Variants in ZNF385B observed in about 807,000 individuals in gnomAD.
ZNF385B encodes zinc finger protein 533.
A neutral mutation model predicts 39.2 loss-of-function variants in ZNF385B; 23 were observed. The observed-to-expected ratio is 0.59, with a 90% confidence interval of 0.42 to 0.83. The LOEUF (loss-of-function observed/expected upper bound fraction) is 0.83. ZNF385B is among the 40% of genes least tolerant of loss of function. ZNF385B has a pLI of 0.00. For missense variants in ZNF385B, 552 were observed against 598.9 expected, an observed-to-expected ratio of 0.92 and a Z score of 0.82; for synonymous variants, 205 against 222.6, an observed-to-expected ratio of 0.92 and a Z score of 0.70.
intron 3 of ZNF385B, among the ~76,000 whole-genome samples, chr2:179,547,685 C>T (rs1260686919): frequency 6.7e-6 from 1 of 149,422 alleles, no homozygotes; most frequent in African/African-American, 2.5e-5. Flanking sequence ...TTTAGAATAG[C>T]TTTGGCTATT....
intron 4 of ZNF385B, among the ~76,000 whole-genome samples, chr2:179,534,050 T>C (rs1383753932): frequency 6.6e-6 from 1 of 152,198 alleles, no homozygotes; most frequent in Non-Finnish European, 1.5e-5. Flanking sequence ...CGGCAGCACC[T>C]CTGTACTGTT....
intron 5 of ZNF385B, among the ~76,000 whole-genome samples, chr2:179,490,306 TACACACACAAAC>T (rs2055071020): frequency 6.9e-6 from 1 of 144,004 alleles, no homozygotes; most frequent in South Asian, 2.2e-4. Context: ...ATATGAGCAT[TACACACACAAAC>T]ACACACACAC....
intron 3 of ZNF385B, chr2:179,745,868 G>C (rs548198220): frequency 7.6e-7 from 1 of 1,308,082 alleles, no homozygotes; most frequent in East Asian, 2.9e-5. Context: ...ACAGCACCAC[G>C]TTATATCAGT....
At chr2:179,792,326 T>C (rs1470507789) in intron 1 of ZNF385B, among the ~76,000 whole-genome samples, 1 of 151,548 alleles carries the variant, frequency 6.6e-6, no homozygotes, top group African/African-American at 2.4e-5. Flanking sequence ...ACTTTAATAA[T>C]AATTTATTCA....
At chr2:179,761,140 CAT>C (rs1703359133) in intron 3 of ZNF385B, among the ~76,000 whole-genome samples, 1 of 152,092 alleles carries the variant, frequency 6.6e-6, no homozygotes, top group Non-Finnish European at 1.5e-5. Context: ...ATTACTTTAA[CAT>C]ATAGTAAGCC....
chr2:179,525,928 T>C (rs542863589), intron 4 of ZNF385B, among the ~76,000 whole-genome samples: 1 of 152,134 alleles, frequency 6.6e-6, no homozygotes, highest in African/African-American at 2.4e-5. Context: ...CCTTGAAAAC[T>C]TCAATAGAAA....
chr2:179,521,556 T>C (rs1393156873), intron 4 of ZNF385B, among the ~76,000 whole-genome samples: 1 of 151,942 alleles, frequency 6.6e-6, no homozygotes, highest in Non-Finnish European at 1.5e-5. Context: ...CCTGAAAATA[T>C]GCCTTTGTGT....
At chr2:179,725,460 C>T (rs953025642) in intron 3 of ZNF385B, among the ~76,000 whole-genome samples, 3 of 151,592 alleles carry the variant, frequency 2.0e-5, no homozygotes, top group African/African-American at 7.3e-5. Context: ...TATATATATA[C>T]ACACATTTTC....
At chr2:179,633,518 ACT>A (rs1177201163) in intron 3 of ZNF385B, among the ~76,000 whole-genome samples, 1 of 152,110 alleles carries the variant, frequency 6.6e-6, no homozygotes, top group African/African-American at 2.4e-5. Context: ...CATGCTAAAA[ACT>A]CTCAATAAAT....
chr2:179,473,376 C>A (rs183983814), intron 6 of ZNF385B, among the ~76,000 whole-genome samples: 5 of 152,262 alleles, frequency 3.3e-5, no homozygotes, highest in Admixed American at 6.5e-5. Flanking sequence ...TAGGCAGGAC[C>A]TGGAAATTTC....
chr2:179,759,180 A>G (rs1703220086), intron 3 of ZNF385B, among the ~76,000 whole-genome samples: 1 of 152,186 alleles, frequency 6.6e-6, no homozygotes, highest in African/African-American at 2.4e-5. Flanking sequence ...GTCACTAGCT[A>G]TATTAGTTCT....
intron 3 of ZNF385B, among the ~76,000 whole-genome samples, chr2:179,545,804 G>T (rs929626784): frequency 6.6e-6 from 1 of 152,070 alleles, no homozygotes; most frequent in Non-Finnish European, 1.5e-5. Context: ...AGGCACACAA[G>T]ATATTTTCAT....
chr2:179,689,419 T>C (rs1246177274), intron 3 of ZNF385B, among the ~76,000 whole-genome samples: 2 of 152,144 alleles, frequency 1.3e-5, no homozygotes, highest in African/African-American at 4.8e-5. Flanking sequence ...CAGTCCAGTA[T>C]TGGGCTAACA....
intron 6 of ZNF385B, among the ~76,000 whole-genome samples, chr2:179,460,247 T>C (rs1488922642): frequency 2.0e-5 from 3 of 152,158 alleles, no homozygotes; most frequent in South Asian, 2.1e-4. Flanking sequence ...TTTGCAAAGA[T>C]TGAGACAGAG....
intron 3 of ZNF385B, among the ~76,000 whole-genome samples, chr2:179,615,102 C>T (rs1470936058): frequency 6.6e-6 from 1 of 152,198 alleles, no homozygotes; most frequent in African/African-American, 2.4e-5. Context: ...CTATCCTTTT[C>T]TTGTTACACT....
rs1289668660 is a variant in ZNF385B, at chr2:179,769,423, G to A, written c.298+80C>T. On this transcript the variant is annotated intron_variant, in intron 3 of 9. Transcript: ENST00000410066. ...AGCCCAGTTTTAAGGTAAAAATTAA[G>A]TCTTGTTCTAAATCCTTCATTTTCC... is the stretch of plus-strand genomic sequence containing the variant. 5.1e-6 allele frequency: 8 copies of A among 1,566,774 alleles called. No individual in the cohort carries two copies. The East Asian group carries it at 1.6e-4, about 31-fold the overall frequency.
At chr2:179,600,931 G>A (rs1688361789) in intron 3 of ZNF385B, among the ~76,000 whole-genome samples, 7 of 152,146 alleles carry the variant, frequency 4.6e-5, no homozygotes, top group Admixed American at 4.6e-4. Context: ...GCAGCATTTA[G>A]ACTCTCACTG....
At chr2:179,735,346 C>T (rs1575383365) in intron 3 of ZNF385B, among the ~76,000 whole-genome samples, 1 of 146,796 alleles carries the variant, frequency 6.8e-6, no homozygotes, top group East Asian at 2.0e-4. Flanking sequence ...CATCTCACAC[C>T]AGTTAGAATG....
intron 3 of ZNF385B, among the ~76,000 whole-genome samples, chr2:179,617,344 C>T (rs145725641): frequency 0.037 from 5,618 of 152,228 alleles, 147 homozygotes; most frequent in Middle Eastern, 0.065. Flanking sequence ...AGCACAGCTA[C>T]GCCTTTCTTT....
Sources: gnomAD v4.1 joint callset for allele counts (sites outside exome capture counted in the v4.1 genomes callset) on GRCh38, gnomAD v4.1.1 for gene constraint, MANE v1.5 for transcripts, NCBI Gene and HGNC (gene_info 2026-07-23, HGNC 2026-07-21) for gene names.